The following TRAPPC6B variants were observed in gnomAD, a reference collection of about 807,000 sequenced individuals.
The protein encoded by TRAPPC6B is trafficking protein particle complex subunit 6B.
Under a neutral mutation model 24.7 loss-of-function variants are expected in TRAPPC6B, and 27 were observed. The ratio of observed to expected loss-of-function variants is 1.09; its 90% CI spans 0.81 to 1.51. The LOEUF (loss-of-function observed/expected upper bound fraction) is 1.51. TRAPPC6B is among the 40% of genes most tolerant of loss of function. The pLI, the probability that TRAPPC6B is intolerant of heterozygous loss-of-function variation, is 0.00. For missense variants in TRAPPC6B, 212 were observed against 190.8 expected (o/e 1.11, Z -0.66); for synonymous variants, 80 against 66.6 (o/e 1.20, Z -0.98).
At position 39,159,537 on chromosome 14, in the gene TRAPPC6B, C is replaced by A; in HGVS notation, c.95G>T (p.Cys32Phe). The change falls in exon 2 of 6, where the codon TGT becomes TTT. Residue 32 changes from cysteine (C) to phenylalanine (F), a missense_variant. By Grantham distance (205) the Cys-to-Phe change is radical. Transcript: ENST00000330149. ...AEQGEVENGRCITKLENMGFR... is the reference protein window; with the variant it reads ...AEQGEVENGRFITKLENMGFR... ...CCCCATGTTTTCCAGCTTAGTAATACATCGTCCGTTTTCCTATTTTAAAAA... is the reference window on the plus strand; with the variant it reads ...CCCCATGTTTTCCAGCTTAGTAATAAATCGTCCGTTTTCCTATTTTAAAAA... The A allele has an allele frequency of 6.2e-7, 1 of 1,604,124 alleles. No individual in the cohort carries two copies. The highest frequency in any genetic ancestry group is 8.5e-7 in the Non-Finnish European group (1 of 1,174,644).
Position 39,170,116 on chromosome 14 carries a change from C to A in TRAPPC6B, c.-21G>T. The stretch of plus-strand genomic sequence containing the variant: ...GCCATTTCCTGCTAATTCTTCCAAG[C>A]TTCGAGTTTTGGCTCCCGTTTGAGC... On this transcript the variant is annotated 5_prime_UTR_variant, in exon 1 of 6. Transcript: ENST00000330149. The A allele has an allele frequency of 6.2e-7, 1 of 1,613,870 alleles. No individual in the cohort carries two copies. Among genetic ancestry groups the A allele is most frequent in the Non-Finnish European group, 8.5e-7 (1 of 1,179,828 alleles).
chr14:39,151,678 AT>A, intron 5 of TRAPPC6B, 67 bp downstream of exon 5: 1 of 1,176,198 alleles, frequency 8.5e-7, no homozygotes, highest in Non-Finnish European at 1.2e-6. Context: ...TCTCAGTTAA[AT>A]TAAAAAAAAA....
In TRAPPC6B at chr14:39,151,770, C is replaced by T; in HGVS notation, c.421G>A (p.Ala141Thr). 6.2e-7 allele frequency: 1 copy of T among 1,605,994 alleles called. No homozygotes were observed. Among genetic ancestry groups the T allele is most frequent in the Admixed American group, 1.7e-5 (1 of 58,428 alleles). Residue 141 changes from alanine to threonine, a missense_variant, in exon 5 of 6, where the codon GCT (alanine) becomes ACT (threonine). Coordinates refer to ENST00000330149, the MANE Select transcript of TRAPPC6B (RefSeq NM_001079537.2). Reference sequence around the variant, plus strand: ...CAAGCAGGCATTGAAGACACTTCAGCTGTTACAATACTTTTTATTCCCAAG... The same window carrying T: ...CAAGCAGGCATTGAAGACACTTCAGTTGTTACAATACTTTTTATTCCCAAG... ...SNLGIKSIVTAEVSSMPACKF... is the reference protein window; with the variant it reads ...SNLGIKSIVTTEVSSMPACKF...
Position 39,148,727 on chromosome 14 carries a change from C to G in TRAPPC6B, c.*1623G>C, listed in dbSNP as rs2052883646. The stretch of plus-strand genomic sequence containing the variant: ...TTTTTTCAAAATTAAAATTTTTTCC[C>G]CAAAACATGTGAGAATTAGGATTGC... On this transcript the variant is annotated 3_prime_UTR_variant, in exon 6 of 6. Transcript: ENST00000330149. 2 of 398,092 alleles carry G rather than the reference C, an allele frequency of 5.0e-6. No individual in the cohort carries two copies. The highest frequency in any genetic ancestry group is 8.9e-6 in the Non-Finnish European group (2 of 225,904). The allele number at this position is 398,092 out of a possible 1,614,324, so 24.7% of individuals were successfully genotyped here.
In TRAPPC6B at chr14:39,150,283, A is replaced by G; in HGVS notation, c.*67T>C. ...CGAACAATGTAATTAAATCATCACTACTTGAAATACTTTTACATGAATAAT... is the reference window on the plus strand; with the variant it reads ...CGAACAATGTAATTAAATCATCACTGCTTGAAATACTTTTACATGAATAAT... On this transcript the variant is annotated 3_prime_UTR_variant, in exon 6 of 6. Transcript: ENST00000330149. The G allele has an allele frequency of 7.7e-7, 1 of 1,295,430 alleles. No homozygotes were observed. The highest frequency in any genetic ancestry group is 1.1e-6 in the Non-Finnish European group (1 of 922,682). 80.2% of individuals were successfully genotyped at this position (1,295,430 alleles called of 1,614,324 possible).
At chr14:39,154,323 AG>A in intron 3 of TRAPPC6B, 29 bp from the exon 4 acceptor site, 1 of 1,367,908 alleles carries the variant, frequency 7.3e-7, no homozygotes, top group South Asian at 1.2e-5. Context: ...AAAAATCCAA[AG>A]TCAATGTACC....
At chr14:39,169,316 G>A (rs1317384980) in intron 1 of TRAPPC6B, among the ~76,000 whole-genome samples, 6 of 150,248 alleles carry the variant, frequency 4.0e-5, no homozygotes, top group African/African-American at 2.5e-5. Context: ...GGCCCACAAT[G>A]ATTGAATAAG....
At position 39,154,229 on chromosome 14, in the gene TRAPPC6B, A is replaced by AC; in HGVS notation, c.332_333insG (p.Tyr111Ter). Reference sequence around the variant, plus strand: ...TAAATACCTTAGATGCATGTTCTAAATACTGTTTTCCTGCAGACATCTGAG... The same window carrying AC: ...TAAATACCTTAGATGCATGTTCTAAACTACTGTTTTCCTGCAGACATCTGAG... ...LLTQMSAGKQ[Y>*]LEHASKYLAF... is the part of the protein sequence containing the mutation. The change falls in exon 4 of 6, where the codon TAT (tyrosine) becomes TAGT (stop). Residue 111 changes from tyrosine to a stop codon, truncating the protein, a stop_gained and frameshift_variant. Transcript: ENST00000330149. LOFTEE classifies it high-confidence loss of function. 1 of 1,612,184 alleles carries AC rather than the reference A, an allele frequency of 6.2e-7. No homozygotes were observed. The highest frequency in any genetic ancestry group is 8.5e-7 in the Non-Finnish European group (1 of 1,178,570).
At chr14:39,166,453 T>C (rs1453750303) in intron 1 of TRAPPC6B, among the ~76,000 whole-genome samples, 3 of 152,178 alleles carry the variant, frequency 2.0e-5, no homozygotes, top group Non-Finnish European at 4.4e-5. Context: ...ATCAACTCCA[T>C]CTTGCCTTTA....
At chr14:39,156,534 G>A (rs901278809) in intron 3 of TRAPPC6B, among the ~76,000 whole-genome samples, 2 of 152,108 alleles carry the variant, frequency 1.3e-5, no homozygotes, top group African/African-American at 4.8e-5. Flanking sequence ...CTCAAGACTA[G>A]TCTGGGCAAC....
In TRAPPC6B at chr14:39,150,378, T is replaced by C. The variant is rs1013711875; in HGVS notation, c.449A>G (p.Lys150Arg). ...CAGCTTCTGTATCATCACCTGAAAT[T>C]TGCCTAAAAAAAAAAATACAAATAA... ...TAEVSSMPACKFQVMIQKL is the reference protein window; with the variant it reads ...TAEVSSMPACRFQVMIQKL The change falls in exon 6 of 6, where the codon AAA becomes AGA. Residue 150 changes from lysine (K) to arginine (R), a missense_variant. Lys to Arg is a conservative substitution (Grantham distance 26). Coordinates refer to ENST00000330149, the MANE Select transcript of TRAPPC6B (RefSeq NM_001079537.2). 7 of 1,581,106 alleles carry C rather than the reference T, an allele frequency of 4.4e-6. No homozygotes were observed. The highest frequency in any genetic ancestry group is 6.0e-6 in the Non-Finnish European group (7 of 1,170,374).
intron 3 of TRAPPC6B, chr14:39,156,895 G>C (rs1334252338): frequency 6.5e-6 from 1 of 153,456 alleles, no homozygotes; most frequent in African/African-American, 2.4e-5. Context: ...CGGATCACTT[G>C]AGGTCAGGAG....
chr14:39,152,540 C>T (rs761082896), intron 4 of TRAPPC6B, among the ~76,000 whole-genome samples: 57 of 152,240 alleles, frequency 3.7e-4, no homozygotes, highest in Non-Finnish European at 6.3e-4. Context: ...CAACATACTA[C>T]ATTATCTACG....
chr14:39,159,580 T>G, intron 1 of TRAPPC6B, 30 bp from the exon 2 acceptor site: 1 of 1,503,190 alleles, frequency 6.7e-7, no homozygotes, highest in Non-Finnish European at 9.1e-7. Flanking sequence ...TTTTAAATAC[T>G]TTTAGAATGC....
intron 1 of TRAPPC6B, among the ~76,000 whole-genome samples, chr14:39,161,961 T>C (rs1483669477): frequency 6.6e-6 from 1 of 152,168 alleles, no homozygotes; most frequent in East Asian, 1.9e-4. Context: ...ACTTTTTTTC[T>C]GGCAGCGTTA....
At chr14:39,163,262 T>C (rs911091018) in intron 1 of TRAPPC6B, among the ~76,000 whole-genome samples, 7 of 148,756 alleles carry the variant, frequency 4.7e-5, no homozygotes, top group African/African-American at 1.8e-4. Flanking sequence ...TCCCAGCTAC[T>C]CAAGAGGCTG....
At chr14:39,156,847 AC>A (rs2052984628) in intron 3 of TRAPPC6B, 2 of 152,568 alleles carry the variant, frequency 1.3e-5, no homozygotes, top group Admixed American at 1.3e-4. Flanking sequence ...GTGGTGGCTC[AC>A]GTCTGTACTC....
At chr14:39,158,067 A>T (rs10151683) in intron 3 of TRAPPC6B, among the ~76,000 whole-genome samples, 33,063 of 152,156 alleles carry the variant, frequency 0.22, 4,054 homozygotes, top group Middle Eastern at 0.36. Context: ...AACATAGCAT[A>T]TAATTGGGTG....
intron 3 of TRAPPC6B, among the ~76,000 whole-genome samples, chr14:39,154,664 C>A (rs1035384595): frequency 4.6e-5 from 7 of 151,984 alleles, no homozygotes; most frequent in African/African-American, 9.7e-5. Context: ...AAGCAATCTG[C>A]CCACCTTGAC....
Sources: gnomAD v4.1 joint callset for allele counts (sites outside exome capture counted in the v4.1 genomes callset) on GRCh38, gnomAD v4.1.1 for gene constraint, MANE v1.5 for transcripts, NCBI Gene and HGNC (gene_info 2026-07-23, HGNC 2026-07-21) for gene names.